MYO9A: variants seen among roughly 807,000 people sequenced by gnomAD.
MYO9A encodes the protein myosin IXA.
In MYO9A, 103 loss-of-function variants were observed where a neutral mutation model predicts 293.3. The ratio of observed to expected loss-of-function variants is 0.35; its 90% CI spans 0.30 to 0.41. MYO9A has a LOEUF of 0.41. Among genes scored for constraint, MYO9A ranks in the 10% least tolerant of loss-of-function variants. The pLI, the probability that MYO9A is intolerant of heterozygous loss-of-function variation, is 1.00. For synonymous variants in MYO9A, 1,001 were observed against 1,035.7 expected (o/e 0.97, Z 0.64); for missense variants, 2,685 against 3,033.0 (o/e 0.89, Z 2.69).
At chr15:71,908,455 C>T (rs2057735624) in intron 19 of MYO9A, among the ~76,000 whole-genome samples, 1 of 152,140 alleles carries the variant, frequency 6.6e-6, no homozygotes, top group Non-Finnish European at 1.5e-5. Flanking sequence ...GAGCCTGTGC[C>T]CGGCCGATAA....
chr15:71,901,926 G>A (rs564986317), intron 22 of MYO9A, among the ~76,000 whole-genome samples: 117 of 152,166 alleles, frequency 7.7e-4, no homozygotes, highest in Non-Finnish European at 1.5e-3. Flanking sequence ...GAAATCCAGC[G>A]TGCATTAAAA....
In MYO9A at chr15:71,928,056, A is replaced by ATTTTTT. The variant is rs1172759885; in HGVS notation, c.2562+5608_2562+5613dup. Among the ~76,000 whole-genome samples the ATTTTTT allele has an allele frequency of 1.5e-3, 9 of 6,042 alleles. 3 individuals are homozygous for ATTTTTT. Among genetic ancestry groups the ATTTTTT allele is most frequent in the Non-Finnish European group, 4.6e-3 (8 of 1,738 alleles). 4.0% of individuals were successfully genotyped at this position (6,042 alleles called of 152,430 possible). ...TATATATATATATATATATATATATATTTTTTTTTTTTTTTTTTTTTTTTT... is the reference window on the plus strand; with the variant it reads ...TATATATATATATATATATATATATATTTTTTTTTTTTTTTTTTTTTTTTTTTTTTT... On this transcript the variant is annotated intron_variant, in intron 18 of 41. Transcript: ENST00000356056.
chr15:71,991,138 G>A lies in MYO9A; in HGVS notation c.1687C>T (p.His563Tyr), dbSNP rs915088006. The change falls in exon 11 of 42, where the codon CAC (histidine) becomes TAC (tyrosine). Residue 563 changes from histidine (H) to tyrosine (Y), a missense_variant. Physicochemically the swap from His to Tyr is moderately conservative, Grantham distance 83. Coordinates refer to ENST00000356056, the MANE Select transcript of MYO9A (RefSeq NM_006901.4). ...CINFANERLQ[H>Y]YFNQHIFKLE... ...TTAAAGATATGCTGATTAAAGTAGT[G>A]CTGTAAACGTTCATTAGCAAAATTA... 7.5e-6 allele frequency: 12 copies of A among 1,607,816 alleles called. No individual in the cohort carries two copies. The East Asian group carries it at 2.2e-4, about 30-fold the overall frequency.
chr15:71,991,819 T>C (rs766453739), intron 10 of MYO9A, among the ~76,000 whole-genome samples: 2 of 152,334 alleles, frequency 1.3e-5, no homozygotes. Flanking sequence ...AGTGACGTGA[T>C]CTCAGTTCAC....
intron 22 of MYO9A, among the ~76,000 whole-genome samples, chr15:71,901,731 T>A (rs1428032626): frequency 6.6e-6 from 1 of 151,924 alleles, no homozygotes; most frequent in Admixed American, 6.6e-5. Flanking sequence ...TGAGCAAGAA[T>A]ATCAAAATTC....
At chr15:72,100,657 G>A (rs1251647257) in intron 1 of MYO9A, among the ~76,000 whole-genome samples, 13 of 151,102 alleles carry the variant, frequency 8.6e-5, no homozygotes, top group East Asian at 2.0e-4. Context: ...CCACGACCCC[G>A]TCTGGGAGGT....
chr15:71,867,418 CAT>C (rs1172904354), intron 32 of MYO9A, among the ~76,000 whole-genome samples: 2 of 151,982 alleles, frequency 1.3e-5, no homozygotes, highest in Non-Finnish European at 2.9e-5. Flanking sequence ...AAATCTTCCA[CAT>C]GACAAAAAAT....
intron 39 of MYO9A, among the ~76,000 whole-genome samples, chr15:71,846,602 G>A (rs576589260): frequency 1.3e-5 from 2 of 152,272 alleles, no homozygotes; most frequent in Admixed American, 6.5e-5. Context: ...ATATCTAATG[G>A]GAAAGGGAAG....
At chr15:71,921,987 T>A (rs1271844672) in intron 18 of MYO9A, among the ~76,000 whole-genome samples, 2 of 152,154 alleles carry the variant, frequency 1.3e-5, no homozygotes, top group Non-Finnish European at 2.9e-5. Flanking sequence ...CTTTTTTTTT[T>A]ATTTTTTGAG....
intron 39 of MYO9A, among the ~76,000 whole-genome samples, chr15:71,833,684 T>C (rs1266662905): frequency 6.6e-6 from 1 of 152,108 alleles, no homozygotes; most frequent in African/African-American, 2.4e-5. Flanking sequence ...TGAAATAATT[T>C]ATCTGACCGT....
Position 71,945,570 on chromosome 15 carries a change from T to C in MYO9A, c.2302+6207A>G, listed in dbSNP as rs79931835. 5.5e-3 allele frequency among the ~76,000 whole-genome samples: 832 copies of C among 152,272 alleles called. 7 individuals are homozygous for C. The highest frequency in any genetic ancestry group is 9.3e-3 in the Non-Finnish European group (632 of 68,006). The stretch of plus-strand genomic sequence containing the variant: ...ATTTTCTTAGTGCTCATGGCTAGGA[T>C]ATTACAATTTTCTATAATTACTTGG... On this transcript the variant is annotated intron_variant, in intron 15 of 41. Coordinates refer to ENST00000356056, the MANE Select transcript of MYO9A (RefSeq NM_006901.4).
In MYO9A at chr15:71,898,015, C is replaced by T. The variant is rs376668267; in HGVS notation, c.4488G>A (p.Glu1496=). ...VLKKLEKLNT[E]KEERQKQLQQ... ...GCAACTGTTTTTGCCTTTCTTCCTT[C>T]TCAGTGTTTAGCTTTTCTAACTTCT... Residue 1496 remains glutamate, a synonymous_variant, in exon 25 of 42, where the codon GAG becomes GAA. Coordinates refer to ENST00000356056, the MANE Select transcript of MYO9A (RefSeq NM_006901.4). The T allele has an allele frequency of 3.7e-6, 6 of 1,613,986 alleles. No individual in the cohort carries two copies. The highest frequency in any genetic ancestry group is 5.1e-6 in the Non-Finnish European group (6 of 1,180,036).
intron 12 of MYO9A, among the ~76,000 whole-genome samples, chr15:71,970,478 A>C (rs1450801281): frequency 6.6e-6 from 1 of 152,240 alleles, no homozygotes; most frequent in Non-Finnish European, 1.5e-5. Flanking sequence ...GAGAAAAAAT[A>C]CTCAATGTAA....
chr15:71,835,012 G>A (rs2054882581), intron 39 of MYO9A, among the ~76,000 whole-genome samples: 1 of 151,920 alleles, frequency 6.6e-6, no homozygotes, highest in Non-Finnish European at 1.5e-5. Context: ...ATTAGAAATG[G>A]ACTCAGTGTA....
In MYO9A at chr15:71,971,834, C is replaced by T. The variant is rs572527120; in HGVS notation, c.1845-3709G>A. 1.1e-3 allele frequency among the ~76,000 whole-genome samples: 173 copies of T among 151,434 alleles called. 2 individuals are homozygous for T. The highest frequency in any genetic ancestry group is 2.1e-3 in the Non-Finnish European group (141 of 67,864). On this transcript the variant is annotated intron_variant, in intron 12 of 41. Coordinates refer to ENST00000356056, the MANE Select transcript of MYO9A (RefSeq NM_006901.4). The stretch of plus-strand genomic sequence containing the variant: ...TTTTATATATATAGGTTTTCATCCA[C>T]GGTTCCTGGCTCATAACTCCTGCAG...
intron 6 of MYO9A, among the ~76,000 whole-genome samples, chr15:72,018,697 T>C (rs1596390779): frequency 6.6e-6 from 1 of 151,924 alleles, no homozygotes; most frequent in African/African-American, 2.4e-5. Flanking sequence ...AAAATAATTT[T>C]AAAAAATAAA....
At chr15:71,877,454 GA>G (rs1422016104) in intron 31 of MYO9A, among the ~76,000 whole-genome samples, 1 of 152,006 alleles carries the variant, frequency 6.6e-6, no homozygotes, top group Non-Finnish European at 1.5e-5. Flanking sequence ...AGGAAATTCA[GA>G]TACTTATCTC....
chr15:71,989,572 T>C (rs1231978105), intron 11 of MYO9A, among the ~76,000 whole-genome samples: 1 of 152,176 alleles, frequency 6.6e-6, no homozygotes, highest in Non-Finnish European at 1.5e-5. Flanking sequence ...ACTGACTGAC[T>C]GTACTTAGCA....
intron 8 of MYO9A, 131 bp from the exon 9 acceptor site, chr15:72,000,071 A>G: frequency 1.7e-6 from 1 of 604,434 alleles, no homozygotes; most frequent in East Asian, 3.1e-5. Flanking sequence ...AAAAGGCAAT[A>G]CACTGGGCAA....
Sources: allele counts gnomAD v4.1 joint callset (sites outside exome capture counted in the v4.1 genomes callset), GRCh38; gene constraint gnomAD v4.1.1; transcripts MANE v1.5; gene names NCBI Gene and HGNC (gene_info 2026-07-23, HGNC 2026-07-21).